Variants in MRM2 observed in about 807,000 individuals in gnomAD.
MRM2 encodes mitochondrial rRNA methyltransferase 2.
MRM2 carries 15 observed loss-of-function variants against 10.9 expected under a neutral mutation model. The ratio of observed to expected loss-of-function variants is 1.37; its 90% CI spans 0.92 to 2.11. The LOEUF (loss-of-function observed/expected upper bound fraction) is 2.11, where lower values mean the gene tolerates loss of function less well. Ranked by LOEUF, MRM2 falls within the 30% of genes most tolerant of loss-of-function variation. The pLI is 0.00. For missense variants in MRM2, 328 were observed against 321.3 expected, an observed-to-expected ratio of 1.02 and a Z score of -0.16; for synonymous variants, 139 against 128.7, an observed-to-expected ratio of 1.08 and a Z score of -0.54.
At chr7:2,236,345 G>A (rs764041683) in intron 2 of MRM2, among the ~76,000 whole-genome samples, 5 of 152,104 alleles carry the variant, frequency 3.3e-5, no homozygotes, top group Non-Finnish European at 5.9e-5. Context: ...AGAAACTACT[G>A]GAAACAAGTC....
chr7:2,236,783 A>G (rs1032364454), intron 2 of MRM2, among the ~76,000 whole-genome samples: 2 of 151,986 alleles, frequency 1.3e-5, no homozygotes, highest in African/African-American at 2.4e-5. Flanking sequence ...TAGCTTATCA[A>G]CTCTGACAAT....
chr7:2,234,790 G>A lies in MRM2; in HGVS notation c.*332C>T, dbSNP rs548131595. 1.2e-5 allele frequency: 4 copies of A among 344,174 alleles called. No homozygotes were observed. In the East Asian group the frequency reaches 2.7e-4, roughly 23 times the overall value. 21.3% of individuals were successfully genotyped at this position (344,174 alleles called of 1,614,324 possible). On this transcript the variant is annotated 3_prime_UTR_variant, in exon 3 of 3. Transcript: ENST00000242257. ...GATGAAGTCCCGTCAAGGCACACAT[G>A]GGCACACCCATCCCTGCCTCGGCGG...
intron 2 of MRM2, chr7:2,238,959 AAAT>A (rs1341130941): frequency 5.4e-6 from 1 of 184,966 alleles, no homozygotes. Context: ...GGAAGAACAA[AAAT>A]AATAACAATA....
rs768657976 is a variant in MRM2, at chr7:2,235,211, TG to T, written c.651del (p.Ile218SerfsTer27). ...RLTEEFQNVR[I>X]IKPEASRKES... is the part of the protein sequence containing the mutation. The stretch of plus-strand genomic sequence containing the variant: ...TCTTTCCTGCTGGCTTCAGGTTTGA[TG>T]ATCCTTACATTCTGGAATTCCTCTG... On this transcript the variant is annotated frameshift_variant, in exon 3 of 3. Transcript: ENST00000242257. LOFTEE classifies it high-confidence loss of function. 21 of 1,614,142 alleles carry T rather than the reference TG, an allele frequency of 1.3e-5. No individual in the cohort carries two copies. Among genetic ancestry groups the T allele is most frequent in the Middle Eastern group, 1.6e-4 (1 of 6,062 alleles).
chr7:2,239,588 A>T lies in MRM2; in HGVS notation c.128T>A (p.Phe43Tyr). 6.2e-7 allele frequency: 1 copy of T among 1,614,064 alleles called. No individual in the cohort carries two copies. Among genetic ancestry groups the T allele is most frequent in the Non-Finnish European group, 8.5e-7 (1 of 1,180,022 alleles). ...ACTCTCCACCTTCGCAGCCTTCACA[A>T]ATGGGTCCCTGAGATGTCGGGTCAG... ...LWLTRHLRDP[F>Y]VKAAKVESYR... Residue 43 changes from phenylalanine (F) to tyrosine (Y), a missense_variant, in exon 2 of 3, where the codon TTT becomes TAT. Physicochemically the swap from Phe to Tyr is conservative, Grantham distance 22. Transcript: ENST00000242257.
In MRM2 at chr7:2,239,446, C is replaced by A; in HGVS notation, c.270G>T (p.Ala90=). ...GAAPGAWSQV[A]VQKVNAAGTD... ...TGCCTGCGGCGTTGACCTTCTGCAC[C>A]GCCACCTGACTCCAGGCCCCAGGAG... The change falls in exon 2 of 3, where the codon GCG becomes GCT. Residue 90 remains alanine, a synonymous_variant. Coordinates refer to ENST00000242257, the MANE Select transcript of MRM2 (RefSeq NM_013393.3). The A allele has an allele frequency of 2.5e-6, 4 of 1,611,714 alleles. No individual in the cohort carries two copies. The highest frequency in any genetic ancestry group is 3.4e-6 in the Non-Finnish European group (4 of 1,178,978).
At chr7:2,237,914 A>G (rs1794447732) in intron 2 of MRM2, 2 of 151,564 alleles carry the variant, frequency 1.3e-5, no homozygotes, top group Admixed American at 6.6e-5. Context: ...AAAAAAAAAA[A>G]ATGCTGTTGA....
intron 1 of MRM2, among the ~76,000 whole-genome samples, chr7:2,240,818 C>A (rs1244161736): frequency 1.7e-4 from 26 of 152,000 alleles, no homozygotes; most frequent in Non-Finnish European, 1.5e-5. Context: ...CCCCAGCCTC[C>A]CAAGTAGCTG....
At chr7:2,239,839 A>G (rs1458960422) in intron 1 of MRM2, 132 bp from the exon 2 acceptor site, 2 of 774,300 alleles carry the variant, frequency 2.6e-6, no homozygotes, top group Admixed American at 2.6e-5. Context: ...AGGTGAACTG[A>G]TAAGGCTACA....
Position 2,234,931 on chromosome 7 carries a change from G to C in MRM2, c.*191C>G, listed in dbSNP as rs141067788. ...ATAGCGGACTTTTTCATTTTCCATGGCCCCTGAACTTAGTTTTGTCATCTC... is the reference window on the plus strand; with the variant it reads ...ATAGCGGACTTTTTCATTTTCCATGCCCCCTGAACTTAGTTTTGTCATCTC... On this transcript the variant is annotated 3_prime_UTR_variant, in exon 3 of 3. Transcript: ENST00000242257. 4 of 580,692 alleles carry C rather than the reference G, an allele frequency of 6.9e-6. No homozygotes were observed. The South Asian group carries it at 8.8e-5, about 13-fold the overall frequency. The allele number at this position is 580,692 out of a possible 1,614,324, so 36.0% of individuals were successfully genotyped here. A position where few individuals can be genotyped will look rare whatever the true frequency, so the allele number is the denominator to read the frequency against.
intron 1 of MRM2, among the ~76,000 whole-genome samples, chr7:2,241,686 C>T (rs1002288772): frequency 1.3e-5 from 2 of 152,248 alleles, no homozygotes; most frequent in Non-Finnish European, 2.9e-5. Flanking sequence ...GCTTCTGCAA[C>T]ACCAAAGCGT....
intron 1 of MRM2, 181 bp downstream of exon 1, chr7:2,241,981 G>A: frequency 3.3e-6 from 2 of 605,648 alleles, no homozygotes; most frequent in Admixed American, 4.3e-5. Flanking sequence ...AGACCTGAGG[G>A]CGCCCTCCTC....
Position 2,239,515 on chromosome 7 carries a change from G to A in MRM2, c.201C>T (p.His67=), listed in dbSNP as rs748600680. ...AFKLLEVNER[H]QILRPGLRVL... ...CCCGAAGGCCGGGCCGCAGAATCTG[G>A]TGCCTCTCGTTCACCTCCAGGAGCT... Residue 67 remains histidine, a synonymous_variant, in exon 2 of 3, where the codon CAC becomes CAT. Coordinates refer to ENST00000242257, the MANE Select transcript of MRM2 (RefSeq NM_013393.3). 4 of 1,613,994 alleles carry A rather than the reference G, an allele frequency of 2.5e-6. No individual in the cohort carries two copies. The highest frequency in any genetic ancestry group is 1.1e-5 in the South Asian group (1 of 91,090).
rs1252056225 is a variant in MRM2, at chr7:2,235,043, A to G, written c.*79T>C. 9.0e-7 allele frequency: 1 copy of G among 1,107,290 alleles called. No individual in the cohort carries two copies. Among genetic ancestry groups the G allele is most frequent in the Non-Finnish European group, 1.3e-6 (1 of 748,806 alleles). 68.6% of individuals were successfully genotyped at this position (1,107,290 alleles called of 1,614,324 possible). ...TCTCCAAAATCAGCTCAAATCTCCCAGGAACTCTTCAGGAGCTCAGGCTAC... is the reference window on the plus strand; with the variant it reads ...TCTCCAAAATCAGCTCAAATCTCCCGGGAACTCTTCAGGAGCTCAGGCTAC... On this transcript the variant is annotated 3_prime_UTR_variant, in exon 3 of 3. Coordinates refer to ENST00000242257, the MANE Select transcript of MRM2 (RefSeq NM_013393.3).
Position 2,235,069 on chromosome 7 carries a change from G to T in MRM2, c.*53C>A. 7.1e-7 allele frequency: 1 copy of T among 1,401,784 alleles called. No individual in the cohort carries two copies. The highest frequency in any genetic ancestry group is 1.0e-6 in the Non-Finnish European group (1 of 1,002,380). The allele number at this position is 1,401,784 out of a possible 1,614,324, so 86.8% of individuals were successfully genotyped here. A position where few individuals can be genotyped will look rare whatever the true frequency, so the allele number is the denominator to read the frequency against. On this transcript the variant is annotated 3_prime_UTR_variant, in exon 3 of 3. Transcript: ENST00000242257. ...GGAACTCTTCAGGAGCTCAGGCTAC[G>T]TTTCTAGCTTAAAAGGAGCTAATGA...
rs1390018043 is a variant in MRM2 at position 2,239,521 on chromosome 7, C to G, written c.195G>C (p.Glu65Asp). 2 of 1,613,918 alleles carry G rather than the reference C, an allele frequency of 1.2e-6. No individual in the cohort carries two copies. The highest frequency in any genetic ancestry group is 1.3e-5 in the African/African-American group (1 of 74,922). The part of the protein sequence containing the change: ...RSAFKLLEVN[E>D]RHQILRPGLR... ...GGCCGGGCCGCAGAATCTGGTGCCT[C>G]TCGTTCACCTCCAGGAGCTTGAAGG... is the stretch of plus-strand genomic sequence containing the variant. Residue 65 changes from glutamate (E) to aspartate (D), a missense_variant, in exon 2 of 3, where the codon GAG becomes GAC. Physicochemically the swap from Glu to Asp is conservative, Grantham distance 45. Coordinates refer to ENST00000242257, the MANE Select transcript of MRM2 (RefSeq NM_013393.3).
At position 2,239,588 on chromosome 7, in the gene MRM2, A is replaced by G. The variant is rs1302683615; in HGVS notation, c.128T>C (p.Phe43Ser). The change falls in exon 2 of 3, where the codon TTT (phenylalanine) becomes TCT (serine). Residue 43 changes from phenylalanine (F) to serine (S), a missense_variant. Physicochemically the swap from Phe to Ser is radical, Grantham distance 155. Coordinates refer to ENST00000242257, the MANE Select transcript of MRM2 (RefSeq NM_013393.3). ...LWLTRHLRDP[F>S]VKAAKVESYR... is the part of the protein sequence containing the mutation. ...ACTCTCCACCTTCGCAGCCTTCACA[A>G]ATGGGTCCCTGAGATGTCGGGTCAG... 5 of 1,614,064 alleles carry G rather than the reference A, an allele frequency of 3.1e-6. No individual in the cohort carries two copies. The Middle Eastern group carries it at 4.9e-4, about 160-fold the overall frequency.
intron 2 of MRM2, chr7:2,238,974 TAATTATATATATA>T (rs1794466737): frequency 9.3e-6 from 1 of 108,032 alleles, no homozygotes; most frequent in Non-Finnish European, 1.5e-5. Context: ...ATAACAATAA[TAATTATATATATA>T]TATATATATA....
At chr7:2,236,852 T>C (rs1395481991) in intron 2 of MRM2, among the ~76,000 whole-genome samples, 1 of 151,730 alleles carries the variant, frequency 6.6e-6, no homozygotes, top group Non-Finnish European at 1.5e-5. Flanking sequence ...ATGGGGGCGT[T>C]GGGCTTGTGA....
Sources: allele counts gnomAD v4.1 joint callset (sites outside exome capture counted in the v4.1 genomes callset), GRCh38; gene constraint gnomAD v4.1.1; transcripts MANE v1.5; gene names NCBI Gene and HGNC (gene_info 2026-07-23, HGNC 2026-07-21).